Variants in SHISA9 observed in about 807,000 individuals in gnomAD.
The protein encoded by SHISA9 is protein shisa-9.
In SHISA9, 13 loss-of-function variants were observed where a neutral mutation model predicts 38.0. The observed-to-expected ratio is 0.34, with a 90% confidence interval of 0.22 to 0.54. SHISA9 has a LOEUF of 0.54. Ranked by LOEUF, SHISA9 falls within the 20% of genes least tolerant of loss-of-function variation. The pLI is 0.91. For missense variants in SHISA9, 538 were observed against 575.8 expected (o/e 0.93, Z 0.67); for synonymous variants, 275 against 242.0 (o/e 1.14, Z -1.27).
chr16:13,286,247 G>C, the SHISA9 span, among the ~76,000 whole-genome samples: 1 of 152,014 alleles, frequency 6.6e-6, no homozygotes, highest in Non-Finnish European at 1.5e-5. Flanking sequence ...CCCCAACCAC[G>C]CTGAGCACAT....
At chr16:13,219,408 G>A (rs1461930085) in intron 4 of SHISA9, among the ~76,000 whole-genome samples, 1 of 152,158 alleles carries the variant, frequency 6.6e-6, no homozygotes, top group South Asian at 2.1e-4. Flanking sequence ...CCAGAGGGAA[G>A]TCTGGAAACC....
At chr16:13,049,790 C>T (rs1274855938) in intron 2 of SHISA9, among the ~76,000 whole-genome samples, 1 of 152,080 alleles carries the variant, frequency 6.6e-6, no homozygotes, top group Non-Finnish European at 1.5e-5. Flanking sequence ...TCCACTTATG[C>T]TTCCAGATGA....
intron 2 of SHISA9, among the ~76,000 whole-genome samples, chr16:13,105,563 G>A (rs1012815164): frequency 6.6e-6 from 1 of 152,222 alleles, no homozygotes; most frequent in Non-Finnish European, 1.5e-5. Flanking sequence ...GACTGGTTGT[G>A]GGGAGACTCC....
chr16:12,928,614 G>T (rs2141738552), intron 2 of SHISA9, among the ~76,000 whole-genome samples: 1 of 152,306 alleles, frequency 6.6e-6, no homozygotes, highest in Non-Finnish European at 1.5e-5. Context: ...CTCTAGTTTT[G>T]ATGCCTCACC....
At chr16:13,178,153 G>A (rs2050747411) in intron 2 of SHISA9, among the ~76,000 whole-genome samples, 1 of 152,160 alleles carries the variant, frequency 6.6e-6, no homozygotes, top group Non-Finnish European at 1.5e-5. Context: ...AAAGGAGCTA[G>A]GGTATTTTAT....
the SHISA9 span, among the ~76,000 whole-genome samples, chr16:13,534,934 G>T: frequency 6.6e-6 from 1 of 151,632 alleles, no homozygotes; most frequent in Non-Finnish European, 1.5e-5. Flanking sequence ...AACATTGCTC[G>T]CCAACCTTTC....
At chr16:13,004,207 G>C (rs2072566093) in intron 2 of SHISA9, among the ~76,000 whole-genome samples, 1 of 152,200 alleles carries the variant, frequency 6.6e-6, no homozygotes, top group Non-Finnish European at 1.5e-5. Context: ...ACTTGTAACA[G>C]ATCTGGAAAA....
intron 2 of SHISA9, among the ~76,000 whole-genome samples, chr16:12,955,634 A>G (rs1043000833): frequency 7.6e-5 from 3 of 39,266 alleles, no homozygotes; most frequent in South Asian, 5.9e-4. Flanking sequence ...TCAACAAAGT[A>G]AAAAAAAAAA....
intron 2 of SHISA9, among the ~76,000 whole-genome samples, chr16:13,053,226 G>T (rs182121224): frequency 4.0e-4 from 61 of 151,646 alleles, no homozygotes; most frequent in Non-Finnish European, 2.2e-4. Context: ...GCCTCCCAAA[G>T]TGCTGGGATT....
At chr16:13,229,864 A>G (rs2051314150) in intron 4 of SHISA9, among the ~76,000 whole-genome samples, 1 of 152,122 alleles carries the variant, frequency 6.6e-6, no homozygotes, top group African/African-American at 2.4e-5. Flanking sequence ...GTAACAGTAA[A>G]CCTGGTGCTA....
intron 2 of SHISA9, among the ~76,000 whole-genome samples, chr16:13,171,477 C>G (rs1457805064): frequency 7.2e-6 from 1 of 138,194 alleles, no homozygotes; most frequent in African/African-American, 2.7e-5. Context: ...GCCATTGATA[C>G]AGCAGGGGGC....
chr16:13,071,787 A>C (rs1596627710), intron 2 of SHISA9, among the ~76,000 whole-genome samples: 1 of 150,182 alleles, frequency 6.7e-6, no homozygotes, highest in South Asian at 2.1e-4. Flanking sequence ...ACAGGCATGC[A>C]CCACCATGCC....
At chr16:12,906,133 C>G (rs955303692) in intron 1 of SHISA9, among the ~76,000 whole-genome samples, 1 of 152,088 alleles carries the variant, frequency 6.6e-6, no homozygotes, top group African/African-American at 2.4e-5. Context: ...AAGCAGCTTC[C>G]AGGTGAAATT....
chr16:13,053,593 C>G (rs1406467194), intron 2 of SHISA9, among the ~76,000 whole-genome samples: 1 of 151,142 alleles, frequency 6.6e-6, no homozygotes, highest in African/African-American at 2.5e-5. Context: ...CCTACCACCT[C>G]TCTCTGACTT....
chr16:13,469,347 A>AAAGAAAGG, the SHISA9 span, among the ~76,000 whole-genome samples: 1 of 127,974 alleles, frequency 7.8e-6, no homozygotes, highest in African/African-American at 2.9e-5. Context: ...AGAAAGAAAG[A>AAAGAAAGG]AAGAAAGAAA....
At chr16:13,059,504 G>C (rs2141908612) in intron 2 of SHISA9, among the ~76,000 whole-genome samples, 1 of 152,136 alleles carries the variant, frequency 6.6e-6, no homozygotes, top group Admixed American at 6.5e-5. Context: ...ATCACATACT[G>C]GGGCCTGTCA....
chr16:13,430,504 C>G, the SHISA9 span, among the ~76,000 whole-genome samples: 2 of 152,160 alleles, frequency 1.3e-5, no homozygotes, highest in Non-Finnish European at 2.9e-5. Context: ...TTGTTTGCCC[C>G]TGGCACCCTT....
rs533466879 is a variant in SHISA9 at position 13,011,215 on chromosome 16, G to A, written c.691+94400G>A. On this transcript the variant is annotated intron_variant, in intron 2 of 4. Transcript: ENST00000558583. ...ATTTCTTAAAAATAAATTTTATTGTGTATATTTAAGGTATACAACATGATG... is the reference window on the plus strand; with the variant it reads ...ATTTCTTAAAAATAAATTTTATTGTATATATTTAAGGTATACAACATGATG... 1.3e-4 allele frequency among the ~76,000 whole-genome samples: 20 copies of A among 151,576 alleles called. No homozygotes were observed. In the South Asian group the frequency reaches 4.2e-3, roughly 32 times the overall value.
In SHISA9 at chr16:13,239,406, C is replaced by G. The variant is rs1237479314; in HGVS notation, c.*3997C>G. ...TTCTAGTTCTAGATCCCTGAGGAAT[C>G]GCCACACTGACTTCCACAATGGTTG... is the stretch of plus-strand genomic sequence containing the variant. On this transcript the variant is annotated 3_prime_UTR_variant, in exon 5 of 5. Transcript: ENST00000558583. 2.0e-5 allele frequency: 3 copies of G among 151,184 alleles called. No homozygotes were observed. The highest frequency in any genetic ancestry group is 7.3e-5 in the African/African-American group (3 of 41,138). 9.4% of individuals were successfully genotyped at this position (151,184 alleles called of 1,614,324 possible). A position where few individuals can be genotyped will look rare whatever the true frequency, so the allele number is the denominator to read the frequency against.
Sources: gnomAD v4.1 joint callset for allele counts (sites outside exome capture counted in the v4.1 genomes callset) on GRCh38, gnomAD v4.1.1 for gene constraint, MANE v1.5 for transcripts, NCBI Gene and HGNC (gene_info 2026-07-23, HGNC 2026-07-21) for gene names.